SLC14A2: variants seen among roughly 807,000 people sequenced by gnomAD.
SLC14A2 encodes solute carrier family 14 member 2.
In SLC14A2, 91 loss-of-function variants were observed where a neutral mutation model predicts 104.6. The ratio of observed to expected loss-of-function variants is 0.87; its 90% CI spans 0.73 to 1.04. The LOEUF is 1.04. Ranked by LOEUF, SLC14A2 falls within the 50% of genes least tolerant of loss-of-function variation. The probability of loss-of-function intolerance (pLI) is 0.00; values close to 1 mark genes in which losing one functional copy is unlikely to be tolerated. For synonymous variants in SLC14A2, 476 were observed against 466.4 expected, an observed-to-expected ratio of 1.02 and a Z score of -0.27; for missense variants, 1,189 against 1,156.0, an observed-to-expected ratio of 1.03 and a Z score of -0.41.
chr18:45,315,256 C>T (rs17815795), intron 1 of SLC14A2, among the ~76,000 whole-genome samples: 1 of 152,004 alleles, frequency 6.6e-6, no homozygotes, highest in Non-Finnish European at 1.5e-5. Flanking sequence ...ATCAAAGGCA[C>T]CAGAAAAGGC....
chr18:45,257,054 T>G (rs769460756), intron 1 of SLC14A2, among the ~76,000 whole-genome samples: 4 of 152,260 alleles, frequency 2.6e-5, no homozygotes, highest in Non-Finnish European at 4.4e-5. Flanking sequence ...AGACATTAAA[T>G]TTTGTCACAT....
intron 10 of SLC14A2, among the ~76,000 whole-genome samples, chr18:45,651,670 G>A (rs73953266): frequency 0.025 from 3,871 of 152,198 alleles, 155 homozygotes; most frequent in African/African-American, 0.088. Context: ...TTACCACTGC[G>A]GCCTCTCTTT....
chr18:45,168,972 G>GC, the SLC14A2 span: 1 of 152,190 alleles, frequency 6.6e-6, no homozygotes, highest in Non-Finnish European at 1.5e-5. Context: ...CAGGGGTCAT[G>GC]CCTGTTTCAT....
chr18:45,341,417 G>T (rs934055025), intron 1 of SLC14A2, among the ~76,000 whole-genome samples: 1 of 152,086 alleles, frequency 6.6e-6, no homozygotes, highest in Non-Finnish European at 1.5e-5. Flanking sequence ...TGAAAAGAAA[G>T]TTCCCAGCTG....
chr18:45,308,804 C>T (rs2085049518), intron 1 of SLC14A2, among the ~76,000 whole-genome samples: 1 of 152,170 alleles, frequency 6.6e-6, no homozygotes, highest in African/African-American at 2.4e-5. Flanking sequence ...CTGGTCTGAA[C>T]ATAACAAAAA....
intron 2 of SLC14A2, among the ~76,000 whole-genome samples, chr18:45,560,594 A>C (rs2144309286): frequency 6.6e-6 from 1 of 152,312 alleles, no homozygotes; most frequent in Non-Finnish European, 1.5e-5. Context: ...TTCTAAGGGA[A>C]CTTATATGAA....
intron 4 of SLC14A2, among the ~76,000 whole-genome samples, chr18:45,628,000 CAAA>C (rs58009345): frequency 0.15 from 12,265 of 83,624 alleles, 629 homozygotes; most frequent in East Asian, 0.29. Context: ...AAGACTTTCT[CAAA>C]AAAAAAAAAA....
chr18:45,351,594 A>G (rs532561372), intron 1 of SLC14A2, among the ~76,000 whole-genome samples: 5 of 152,206 alleles, frequency 3.3e-5, no homozygotes, highest in African/African-American at 4.8e-5. Context: ...GACTCAAGTG[A>G]TCCTCCCACC....
At chr18:45,329,932 T>C (rs1024275036) in intron 1 of SLC14A2, among the ~76,000 whole-genome samples, 30 of 152,232 alleles carry the variant, frequency 2.0e-4, no homozygotes, top group Non-Finnish European at 4.3e-4. Flanking sequence ...ATTATCATCC[T>C]TGCTATCATG....
chr18:45,311,179 A>T (rs1341395987), intron 1 of SLC14A2, among the ~76,000 whole-genome samples: 3 of 152,226 alleles, frequency 2.0e-5, no homozygotes, highest in Non-Finnish European at 4.4e-5. Flanking sequence ...GAAAGAGTTC[A>T]TGGTGGGGAG....
At chr18:45,525,156 A>C (rs887722905) in intron 2 of SLC14A2, among the ~76,000 whole-genome samples, 3 of 149,302 alleles carry the variant, frequency 2.0e-5, no homozygotes, top group African/African-American at 7.4e-5. Flanking sequence ...CACACACACA[A>C]AACTCTCCTC....
chr18:45,663,868 T>A lies in SLC14A2; in HGVS notation c.1435T>A (p.Phe479Ile). 1.2e-6 allele frequency: 2 copies of A among 1,613,430 alleles called. No individual in the cohort carries two copies. The highest frequency in any genetic ancestry group is 1.7e-4 in the Middle Eastern group (1 of 5,774). The change falls in exon 11 of 20, where the codon TTT becomes ATT. Residue 479 changes from phenylalanine to isoleucine, a missense_variant. Phe to Ile is a conservative substitution (Grantham distance 21, BLOSUM62 0). Coordinates refer to ENST00000255226, the MANE Select transcript of SLC14A2 (RefSeq NM_007163.4). ...EAVLSKHRSV[F>I]HIEWSSIRRR... ...TGTGCTCTCCAAGCACAGGAGTGTA[T>A]TTCACATCGAGTGGTCATCCATTCG... is the stretch of plus-strand genomic sequence containing the variant.
chr18:45,355,358 G>A (rs1215877216), intron 1 of SLC14A2, among the ~76,000 whole-genome samples: 4 of 151,886 alleles, frequency 2.6e-5, no homozygotes, highest in Non-Finnish European at 5.9e-5. Context: ...GGTGGATCAC[G>A]AGGGCAGGAG....
intron 1 of SLC14A2, among the ~76,000 whole-genome samples, chr18:45,362,809 T>C (rs887100174): frequency 4.6e-5 from 7 of 152,192 alleles, no homozygotes; most frequent in African/African-American, 1.7e-4. Flanking sequence ...CATTTGATAG[T>C]TTCAGCCACA....
At chr18:45,268,686 G>A (rs184960683) in intron 1 of SLC14A2, among the ~76,000 whole-genome samples, 2 of 152,320 alleles carry the variant, frequency 1.3e-5, no homozygotes, top group Admixed American at 6.5e-5. Flanking sequence ...TAGTGGACAG[G>A]TGGTAAAAAG....
chr18:45,274,169 T>C (rs938200766), intron 1 of SLC14A2, among the ~76,000 whole-genome samples: 1 of 151,896 alleles, frequency 6.6e-6, no homozygotes, highest in African/African-American at 2.4e-5. Flanking sequence ...TGTGTGGGGG[T>C]AGGGGAGGCC....
At chr18:45,501,434 A>G (rs1446934711) in intron 2 of SLC14A2, among the ~76,000 whole-genome samples, 1 of 152,202 alleles carries the variant, frequency 6.6e-6, no homozygotes, top group Non-Finnish European at 1.5e-5. Context: ...ACATAATATT[A>G]TCTCTCTGGA....
At position 45,626,956 on chromosome 18, in the gene SLC14A2, A is replaced by T. The variant is rs936571512; in HGVS notation, c.332-2A>T. The T allele has an allele frequency of 4.4e-6, 7 of 1,607,456 alleles. No homozygotes were observed. The highest frequency in any genetic ancestry group is 6.0e-6 in the Non-Finnish European group (7 of 1,176,230). ...TGATGGCTCGCTCTCTGTCTCTTTC[A>T]GACAAGCACCTTGCCCTCCAGTTCA... On this transcript the variant is annotated splice_acceptor_variant, in intron 3 of 19. Transcript: ENST00000255226. LOFTEE classifies it high-confidence loss of function.
At chr18:45,532,110 A>G (rs1326622909) in intron 2 of SLC14A2, among the ~76,000 whole-genome samples, 2 of 152,108 alleles carry the variant, frequency 1.3e-5, no homozygotes, top group Non-Finnish European at 2.9e-5. Flanking sequence ...GTAGCTTTGT[A>G]GTATAGTTTG....
Sources: gnomAD v4.1 joint callset for allele counts (sites outside exome capture counted in the v4.1 genomes callset) on GRCh38, gnomAD v4.1.1 for gene constraint, MANE v1.5 for transcripts, NCBI Gene and HGNC (gene_info 2026-07-23, HGNC 2026-07-21) for gene names.